UBASH3A: variants seen among roughly 807,000 people sequenced by gnomAD.
The protein encoded by UBASH3A is ubiquitin-associated and SH3 domain-containing protein A.
A neutral mutation model predicts 73.5 loss-of-function variants in UBASH3A; 63 were observed. That is an observed-to-expected ratio of 0.86 (90% CI 0.70 to 1.06). The LOEUF (loss-of-function observed/expected upper bound fraction) is 1.06. UBASH3A is among the 50% of genes least tolerant of loss of function. UBASH3A has a pLI of 0.00. For missense variants in UBASH3A, 860 were observed against 859.0 expected (o/e 1.00, Z -0.02); for synonymous variants, 363 against 351.1 (o/e 1.03, Z -0.38).
intron 9 of UBASH3A, 90 bp downstream of exon 9, chr21:42,432,292 T>G: frequency 1.2e-6 from 1 of 831,554 alleles, no homozygotes; most frequent in South Asian, 1.6e-5. Flanking sequence ...TGGCACCAGA[T>G]CCCCTGAGGC....
chr21:42,444,448 T>G, intron 13 of UBASH3A, 86 bp from the exon 14 acceptor site: 1 of 998,558 alleles, frequency 1.0e-6, no homozygotes, highest in Non-Finnish European at 1.6e-6. Context: ...GAGATAGCTC[T>G]GCCCCCCACC....
Position 42,407,380 on chromosome 21 carries a change from G to A in UBASH3A, c.167+1019G>A, listed in dbSNP as rs568871189. Among the ~76,000 whole-genome samples, 5 of 152,242 alleles carry A rather than the reference G, an allele frequency of 3.3e-5. No individual in the cohort carries two copies. The East Asian group carries it at 5.8e-4, about 18-fold the overall frequency. ...TCCTCCTCCAGAAAGTGTAGGCCAC[G>A]GGCAAAATGGGCAACCCCTTCACAG... On this transcript the variant is annotated intron_variant, in intron 2 of 14. Transcript: ENST00000319294.
chr21:42,414,886 CCT>C (rs1432225848), intron 5 of UBASH3A, among the ~76,000 whole-genome samples: 1 of 152,228 alleles, frequency 6.6e-6, no homozygotes, highest in East Asian at 1.9e-4. Context: ...CCTGAACCCA[CCT>C]CTGTCCTGCT....
chr21:42,434,708 C>T, intron 9 of UBASH3A, 124 bp from the exon 10 acceptor site: 7 of 1,120,326 alleles, frequency 6.2e-6, no homozygotes, highest in Non-Finnish European at 8.8e-6. Flanking sequence ...TCAGAAACAA[C>T]ACAGTTGACA....
intron 14 of UBASH3A, among the ~76,000 whole-genome samples, chr21:42,446,554 A>G (rs1388726783): frequency 6.6e-6 from 1 of 152,252 alleles, no homozygotes; most frequent in Non-Finnish European, 1.5e-5. Context: ...AAAAGGCTTC[A>G]CCACAAAGCT....
intron 13 of UBASH3A, among the ~76,000 whole-genome samples, chr21:42,443,795 G>T (rs1387768577): frequency 5.9e-5 from 9 of 151,834 alleles, no homozygotes; most frequent in African/African-American, 9.7e-5. Context: ...CAGTAACCGG[G>T]TGCACAGACA....
intron 13 of UBASH3A, 101 bp downstream of exon 13, chr21:42,443,519 C>T: frequency 2.1e-6 from 2 of 960,050 alleles, no homozygotes; most frequent in East Asian, 2.9e-5. Context: ...AATGCCCCTA[C>T]TTCTCCTGCC....
intron 7 of UBASH3A, among the ~76,000 whole-genome samples, chr21:42,420,554 T>G (rs1436095578): frequency 6.6e-6 from 1 of 152,188 alleles, no homozygotes; most frequent in East Asian, 1.9e-4. Context: ...CACATCTATA[T>G]TGATTTACTA....
Position 42,418,553 on chromosome 21 carries a change from C to T in UBASH3A, c.990C>T (p.Phe330=), listed in dbSNP as rs369238211. ...GISQRTGCRG[F]LPENYTDRAS... is the part of the protein sequence containing the mutation. ...CACAGCGGACGGGCTGCCGGGGCTT[C>T]CTGCCGGAAAACTACACGGATCGAG... Residue 330 remains phenylalanine (F), a synonymous_variant, in exon 7 of 15, where the codon TTC becomes TTT. Coordinates refer to ENST00000319294, the MANE Select transcript of UBASH3A (RefSeq NM_018961.4). 571 of 1,614,064 alleles carry T rather than the reference C, an allele frequency of 3.5e-4. No individual in the cohort carries two copies. Among genetic ancestry groups the T allele is most frequent in the Non-Finnish European group, 4.7e-4 (549 of 1,180,042 alleles).
At chr21:42,425,652 T>C (rs1189957883) in intron 7 of UBASH3A, among the ~76,000 whole-genome samples, 1 of 152,048 alleles carries the variant, frequency 6.6e-6, no homozygotes, top group Non-Finnish European at 1.5e-5. Flanking sequence ...AGTTTATAGA[T>C]GGAGACAGGG....
In UBASH3A at chr21:42,413,937, G is replaced by T. The variant is rs186941129; in HGVS notation, c.667+414G>T. Among the ~76,000 whole-genome samples, 2 of 152,368 alleles carry T rather than the reference G, an allele frequency of 1.3e-5. No homozygotes were observed. The highest frequency in any genetic ancestry group is 6.5e-5 in the Admixed American group (1 of 15,308). ...GTTTAGTGGAAAGGATTGTGGACTTGACGTCAGAAGATGTGATTTTTTTCT... is the reference window on the plus strand; with the variant it reads ...GTTTAGTGGAAAGGATTGTGGACTTTACGTCAGAAGATGTGATTTTTTTCT... On this transcript the variant is annotated intron_variant, in intron 5 of 14. Coordinates refer to ENST00000319294, the MANE Select transcript of UBASH3A (RefSeq NM_018961.4). This position sits in a 1 kb window ranked among gnomAD's most constrained non-coding sequence, Gnocchi z 4.5.
chr21:42,404,080 C>G, intron 1 of UBASH3A, 22 bp downstream of exon 1: 2 of 1,370,140 alleles, frequency 1.5e-6, no homozygotes, highest in Non-Finnish European at 1.9e-6. Context: ...CCAGAGACCC[C>G]GGGGCCCAGC....
chr21:42,444,740 G>C, intron 14 of UBASH3A, 97 bp downstream of exon 14: 1 of 1,038,024 alleles, frequency 9.6e-7, no homozygotes, highest in South Asian at 1.3e-5. Flanking sequence ...CAAGTGTCCG[G>C]CTGACCCAGG....
At chr21:42,419,134 G>C (rs558467352) in intron 7 of UBASH3A, among the ~76,000 whole-genome samples, 12 of 152,210 alleles carry the variant, frequency 7.9e-5, no homozygotes, top group Non-Finnish European at 1.8e-4. Context: ...TCCCCACTGA[G>C]GCTTCACACC....
At chr21:42,423,164 G>A (rs972536732) in intron 7 of UBASH3A, among the ~76,000 whole-genome samples, 1 of 152,086 alleles carries the variant, frequency 6.6e-6, no homozygotes, top group Admixed American at 6.5e-5. Flanking sequence ...TCCCAGCTCC[G>A]AGCTTTCCCA....
At chr21:42,440,007 C>A (rs1171048627) in intron 11 of UBASH3A, among the ~76,000 whole-genome samples, 3 of 151,034 alleles carry the variant, frequency 2.0e-5, no homozygotes, top group African/African-American at 7.3e-5. Flanking sequence ...ACACACCACA[C>A]ACACAACACA....
At chr21:42,442,665 C>T (rs1224844203) in intron 12 of UBASH3A, 69 bp downstream of exon 12, 1 of 1,513,308 alleles carries the variant, frequency 6.6e-7, no homozygotes, top group African/African-American at 1.4e-5. Context: ...TTTCATGACA[C>T]TGTTAAAATG....
intron 5 of UBASH3A, among the ~76,000 whole-genome samples, chr21:42,414,799 T>A (rs1276308673): frequency 6.6e-6 from 1 of 152,124 alleles, no homozygotes; most frequent in Admixed American, 6.5e-5. Context: ...GAACCTCTAG[T>A]CTCCAGAAAT....
At chr21:42,411,203 T>C (rs942800408) in intron 3 of UBASH3A, among the ~76,000 whole-genome samples, 2 of 149,364 alleles carry the variant, frequency 1.3e-5, no homozygotes, top group Non-Finnish European at 3.0e-5. Context: ...GACACACACA[T>C]ATATACATGC....
Sources: allele counts gnomAD v4.1 joint callset (sites outside exome capture counted in the v4.1 genomes callset), GRCh38; gene constraint gnomAD v4.1.1; non-coding constraint Gnocchi (gnomAD v3.1); transcripts MANE v1.5; gene names NCBI Gene and HGNC (gene_info 2026-07-23, HGNC 2026-07-21).